SH3GL3: variants seen among roughly 807,000 people sequenced by gnomAD.
The protein encoded by SH3GL3 is SH3 domain containing GRB2 like 3, endophilin A3, also known as endophilin-A3.
SH3GL3 carries 33 observed loss-of-function variants against 47.7 expected under a neutral mutation model. The ratio of observed to expected loss-of-function variants is 0.69; its 90% CI spans 0.52 to 0.92. The LOEUF (loss-of-function observed/expected upper bound fraction) is 0.92, where lower values mean the gene tolerates loss of function less well. SH3GL3 is among the 40% of genes least tolerant of loss of function. The pLI is 0.00. For missense variants in SH3GL3, 363 were observed against 417.8 expected, an observed-to-expected ratio of 0.87 and a Z score of 1.14; for synonymous variants, 155 against 148.8, an observed-to-expected ratio of 1.04 and a Z score of -0.30.
At chr15:83,562,030 A>AACACACAC (rs55856428) in intron 2 of SH3GL3, among the ~76,000 whole-genome samples, 3,300 of 132,880 alleles carry the variant, frequency 0.025, 86 homozygotes, top group Admixed American at 0.066. Flanking sequence ...ACACACACAC[A>AACACACAC]ACACACACAC....
chr15:83,447,517 T>C lies in SH3GL3; in HGVS notation c.-17T>C. 6.7e-7 allele frequency: 1 copy of C among 1,500,178 alleles called. No homozygotes were observed. The highest frequency in any genetic ancestry group is 8.9e-7 in the Non-Finnish European group (1 of 1,122,714). The allele number at this position is 1,500,178 out of a possible 1,614,324, so 92.9% of individuals were successfully genotyped here. A position where few individuals can be genotyped will look rare whatever the true frequency, so the allele number is the denominator to read the frequency against. On this transcript the variant is annotated 5_prime_UTR_variant, in exon 1 of 9. Transcript: ENST00000427482. The surrounding 1 kb of genome is among the most constrained non-coding windows in gnomAD (Gnocchi z 5.1). ...CCGAGCCTTGAGACCACCCCGCCCCTGCCGGTCGCAGTCGCGATGTCGGTG... is the reference window on the plus strand; with the variant it reads ...CCGAGCCTTGAGACCACCCCGCCCCCGCCGGTCGCAGTCGCGATGTCGGTG...
intron 1 of SH3GL3, among the ~76,000 whole-genome samples, chr15:83,513,543 C>G (rs974521643): frequency 6.6e-6 from 1 of 152,210 alleles, no homozygotes; most frequent in Non-Finnish European, 1.5e-5. Flanking sequence ...TTCCCAAATG[C>G]TGCTTCAAGG....
chr15:83,515,032 C>T (rs2151637965), intron 1 of SH3GL3, among the ~76,000 whole-genome samples: 1 of 152,130 alleles, frequency 6.6e-6, no homozygotes, highest in East Asian at 1.9e-4. Context: ...GATCCTCTCT[C>T]CTAGAGCCTC....
At chr15:83,622,855 G>A (rs2060918696), downstream of SH3GL3, among the ~76,000 whole-genome samples, 1 of 152,152 alleles carries the variant, frequency 6.6e-6, no homozygotes, top group Non-Finnish European at 1.5e-5. Context: ...TTCTGGCATC[G>A]CCTCTCCTAC....
intron 8 of SH3GL3, among the ~76,000 whole-genome samples, chr15:83,597,734 C>T (rs774263535): frequency 2.2e-4 from 34 of 151,988 alleles, no homozygotes; most frequent in Non-Finnish European, 4.4e-4. Context: ...CTCAGCCTTC[C>T]GAGTACTTGG....
rs541270227 is a variant in SH3GL3, at chr15:83,479,209, A to G, written c.45+31631A>G. Among the ~76,000 whole-genome samples, 25 of 152,328 alleles carry G rather than the reference A, an allele frequency of 1.6e-4. No homozygotes were observed. In the East Asian group the frequency reaches 4.6e-3, roughly 28 times the overall value. ...GGGGGAATCCCCTGTTGTTTCATTCATACAGTAGGTATAGCCTGATGGTTA... is the reference window on the plus strand; with the variant it reads ...GGGGGAATCCCCTGTTGTTTCATTCGTACAGTAGGTATAGCCTGATGGTTA... On this transcript the variant is annotated intron_variant, in intron 1 of 8. Transcript: ENST00000427482.
At chr15:83,475,947 C>T (rs534210243) in intron 1 of SH3GL3, among the ~76,000 whole-genome samples, 28 of 152,216 alleles carry the variant, frequency 1.8e-4, no homozygotes, top group Non-Finnish European at 2.8e-4. Flanking sequence ...ATATCCAGGA[C>T]AAATGTTTTG....
chr15:83,621,295 T>G (rs1380738653), downstream of SH3GL3, among the ~76,000 whole-genome samples: 1 of 152,250 alleles, frequency 6.6e-6, no homozygotes, highest in African/African-American at 2.4e-5. Context: ...TCACTAAGCT[T>G]AATCATTTCT....
At chr15:83,507,992 A>C (rs2042583239) in intron 1 of SH3GL3, among the ~76,000 whole-genome samples, 1 of 151,996 alleles carries the variant, frequency 6.6e-6, no homozygotes, top group African/African-American at 2.4e-5. Context: ...ACCAGGCTGG[A>C]GTGCAGTGGT....
At chr15:83,490,708 A>G in intron 1 of SH3GL3, 1 of 1,486,676 alleles carries the variant, frequency 6.7e-7, no homozygotes, top group Admixed American at 1.9e-5. Context: ...AAGCTCTCAC[A>G]AGGGCAATAT....
At chr15:83,603,347 G>A (rs1260195117) in intron 8 of SH3GL3, among the ~76,000 whole-genome samples, 3 of 152,170 alleles carry the variant, frequency 2.0e-5, no homozygotes, top group Non-Finnish European at 4.4e-5. Flanking sequence ...AGTTCCATGT[G>A]CCTGTAAACA....
intron 1 of SH3GL3, among the ~76,000 whole-genome samples, chr15:83,506,214 T>C (rs1031251875): frequency 6.6e-6 from 1 of 152,252 alleles, no homozygotes; most frequent in Non-Finnish European, 1.5e-5. Context: ...GGTTTTATTT[T>C]TATGTTTTCA....
chr15:83,474,637 A>G (rs1198828378), intron 1 of SH3GL3, among the ~76,000 whole-genome samples: 1 of 151,868 alleles, frequency 6.6e-6, no homozygotes, highest in Admixed American at 6.6e-5. Flanking sequence ...CTTGGCCAGT[A>G]TTTGCTCAGG....
chr15:83,587,639 CT>C (rs2059990437), intron 7 of SH3GL3, among the ~76,000 whole-genome samples: 1 of 151,288 alleles, frequency 6.6e-6, no homozygotes, highest in Non-Finnish European at 1.5e-5. Context: ...AAATTTCAGG[CT>C]GTGTTCATAA....
chr15:83,577,232 T>A (rs1460018589), intron 6 of SH3GL3, among the ~76,000 whole-genome samples: 5 of 151,662 alleles, frequency 3.3e-5, no homozygotes, highest in Non-Finnish European at 5.9e-5. Flanking sequence ...TTTAAGAAAG[T>A]TTATGAGTTT....
intron 1 of SH3GL3, among the ~76,000 whole-genome samples, chr15:83,495,284 C>T (rs889494476): frequency 1.3e-5 from 2 of 152,192 alleles, no homozygotes; most frequent in Non-Finnish European, 2.9e-5. Flanking sequence ...CCACTGGAGT[C>T]TTCTTTCATA....
At chr15:83,558,739 A>G (rs1194460584) in intron 1 of SH3GL3, among the ~76,000 whole-genome samples, 2 of 151,996 alleles carry the variant, frequency 1.3e-5, no homozygotes, top group Non-Finnish European at 2.9e-5. Context: ...AATGTTCTCT[A>G]TCCTTAAAAT....
rs146968922 is a variant in SH3GL3 at position 83,577,638 on chromosome 15, C to T, written c.624+897C>T. On this transcript the variant is annotated intron_variant, in intron 6 of 8. Transcript: ENST00000427482. ...AACCCTTGGGCTCAAGCCACCTACCCGACTCAGCCTCCCAAAGTGCTGGGA... is the reference window on the plus strand; with the variant it reads ...AACCCTTGGGCTCAAGCCACCTACCTGACTCAGCCTCCCAAAGTGCTGGGA... 2.3e-3 allele frequency among the ~76,000 whole-genome samples: 346 copies of T among 151,846 alleles called. 1 individual carries two copies. Among genetic ancestry groups the T allele is most frequent in the African/African-American group, 7.2e-3 (299 of 41,408 alleles).
At chr15:83,534,458 C>T (rs549080968) in intron 1 of SH3GL3, among the ~76,000 whole-genome samples, 129 of 152,236 alleles carry the variant, frequency 8.5e-4, no homozygotes, top group African/African-American at 2.9e-3. Context: ...GATTCGAAAC[C>T]TTTGTGTCTA....
Sources: gnomAD v4.1 joint callset for allele counts (sites outside exome capture counted in the v4.1 genomes callset) on GRCh38, gnomAD v4.1.1 for gene constraint, Gnocchi (gnomAD v3.1) non-coding constraint, MANE v1.5 for transcripts, NCBI Gene and HGNC (gene_info 2026-07-23, HGNC 2026-07-21) for gene names.